Variants in UNC5D observed in about 807,000 individuals in gnomAD.
UNC5D encodes unc-5 netrin receptor D, also known as netrin receptor UNC5D.
In UNC5D, 39 loss-of-function variants were observed where a neutral mutation model predicts 105.4. The ratio of observed to expected loss-of-function variants is 0.37; its 90% CI spans 0.29 to 0.48. The LOEUF is 0.48. Ranked by LOEUF, UNC5D falls within the 20% of genes least tolerant of loss-of-function variation. The probability of loss-of-function intolerance (pLI) is 0.98; values close to 1 mark genes in which losing one functional copy is unlikely to be tolerated. For synonymous variants in UNC5D, 452 were observed against 450.4 expected, an observed-to-expected ratio of 1.00 and a Z score of -0.04; for missense variants, 991 against 1,202.4, an observed-to-expected ratio of 0.82 and a Z score of 2.60.
In UNC5D at chr8:35,261,169, C is replaced by T. The variant is rs577771524; in HGVS notation, c.103+25282C>T. On this transcript the variant is annotated intron_variant, in intron 1 of 16. Transcript: ENST00000404895. ...TTTAGTGCTGCTTCAGATGGACTTGCGCATCAAAGGGCCGCTTAAAATTCA... is the reference window on the plus strand; with the variant it reads ...TTTAGTGCTGCTTCAGATGGACTTGTGCATCAAAGGGCCGCTTAAAATTCA... Among the ~76,000 whole-genome samples, 11 of 152,198 alleles carry T rather than the reference C, an allele frequency of 7.2e-5. No individual in the cohort carries two copies. In the East Asian group the frequency reaches 7.7e-4, roughly 11 times the overall value.
intron 1 of UNC5D, among the ~76,000 whole-genome samples, chr8:35,396,884 C>A (rs1289859636): frequency 6.6e-6 from 1 of 151,318 alleles, no homozygotes; most frequent in African/African-American, 2.4e-5. Flanking sequence ...CTTCTGAGCC[C>A]AAGGGTTTTT....
At chr8:35,735,582 T>C (rs182552826) in intron 11 of UNC5D, among the ~76,000 whole-genome samples, 2 of 152,152 alleles carry the variant, frequency 1.3e-5, no homozygotes, top group African/African-American at 4.8e-5. Context: ...ACATTATCTT[T>C]TTTAGGGTGC....
intron 1 of UNC5D, among the ~76,000 whole-genome samples, chr8:35,294,513 A>G (rs1345078800): frequency 1.3e-5 from 2 of 152,136 alleles, no homozygotes; most frequent in Non-Finnish European, 2.9e-5. Context: ...AAAGTATCAT[A>G]TAATGAATTT....
intron 14 of UNC5D, among the ~76,000 whole-genome samples, chr8:35,765,788 G>T (rs1346167905): frequency 9.9e-5 from 15 of 152,172 alleles, no homozygotes. Context: ...ATAGTTCAGG[G>T]TTCCAAACTT....
chr8:35,470,621 A>T (rs1386741967), intron 1 of UNC5D, among the ~76,000 whole-genome samples: 2 of 114,404 alleles, frequency 1.7e-5, no homozygotes, highest in African/African-American at 6.2e-5. Flanking sequence ...AAAAAAAAAA[A>T]TTACCTAGGC....
chr8:35,554,181 A>G (rs941921825), intron 2 of UNC5D, among the ~76,000 whole-genome samples: 1 of 152,190 alleles, frequency 6.6e-6, no homozygotes, highest in African/African-American at 2.4e-5. Context: ...AAAGGCTGCA[A>G]ACTGCCTTTG....
intron 16 of UNC5D, among the ~76,000 whole-genome samples, chr8:35,789,190 A>ATATAT (rs1802911679): frequency 1.4e-5 from 1 of 71,604 alleles, no homozygotes; most frequent in South Asian, 5.1e-4. Flanking sequence ...TATATATATG[A>ATATAT]GATAGGGATA....
chr8:35,284,581 G>A (rs1296159864), intron 1 of UNC5D, among the ~76,000 whole-genome samples: 1 of 152,040 alleles, frequency 6.6e-6, no homozygotes, highest in Non-Finnish European at 1.5e-5. Context: ...TTTTGACGGA[G>A]TCTCACTCTG....
rs549254050 is a variant in UNC5D, at chr8:35,710,561, G to C, written c.1117+4600G>C. ...GGCTGGTACCATAAATTTGGGGCTT[G>C]TCAGTGTCCCGATGATATTTAAAGC... is the stretch of plus-strand genomic sequence containing the variant. On this transcript the variant is annotated intron_variant, in intron 8 of 16. Coordinates refer to ENST00000404895, the MANE Select transcript of UNC5D (RefSeq NM_080872.4). 1.1e-4 allele frequency among the ~76,000 whole-genome samples: 16 copies of C among 152,256 alleles called. No homozygotes were observed. The South Asian group carries it at 3.3e-3, about 32-fold the overall frequency.
chr8:35,604,064 G>T (rs1820093580), intron 4 of UNC5D, among the ~76,000 whole-genome samples: 1 of 152,190 alleles, frequency 6.6e-6, no homozygotes, highest in African/African-American at 2.4e-5. Context: ...GTATTGTTAT[G>T]TGTGAATTTG....
intron 1 of UNC5D, among the ~76,000 whole-genome samples, chr8:35,373,142 A>G (rs1039987981): frequency 1.3e-5 from 2 of 152,128 alleles, no homozygotes; most frequent in African/African-American, 2.4e-5. Flanking sequence ...GTGGCTTCCT[A>G]TGTAAAAATA....
At chr8:35,305,599 T>TTCTTTCATTTC (rs1808315160) in intron 1 of UNC5D, among the ~76,000 whole-genome samples, 1 of 149,426 alleles carries the variant, frequency 6.7e-6, no homozygotes, top group African/African-American at 2.5e-5. Context: ...CTTTCTTTCT[T>TTCTTTCATTTC]TCTTTCTTTC....
chr8:35,402,636 C>T (rs1292680947), intron 1 of UNC5D, among the ~76,000 whole-genome samples: 1 of 152,078 alleles, frequency 6.6e-6, no homozygotes, highest in Admixed American at 6.5e-5. Flanking sequence ...GTCTGTTCAC[C>T]AACTCGGTGA....
intron 1 of UNC5D, among the ~76,000 whole-genome samples, chr8:35,507,735 A>G (rs1812431060): frequency 6.6e-6 from 1 of 152,194 alleles, no homozygotes; most frequent in African/African-American, 2.4e-5. Context: ...ATTTAATTGT[A>G]CATTTTAAAA....
At chr8:35,343,512 GT>G (rs1049657014) in intron 1 of UNC5D, among the ~76,000 whole-genome samples, 1 of 151,888 alleles carries the variant, frequency 6.6e-6, no homozygotes, top group African/African-American at 2.4e-5. Context: ...TGAGGTTTTA[GT>G]TTTTTTCTTG....
chr8:35,445,321 C>A (rs575127295), intron 1 of UNC5D, among the ~76,000 whole-genome samples: 143 of 152,142 alleles, frequency 9.4e-4, no homozygotes, highest in Non-Finnish European at 1.6e-3. Context: ...AAAATAAAAA[C>A]TATGAATAAG....
chr8:35,723,497 T>C (rs978129941), intron 9 of UNC5D, among the ~76,000 whole-genome samples: 13 of 152,134 alleles, frequency 8.5e-5, no homozygotes, highest in African/African-American at 3.1e-4. Flanking sequence ...CTCCCACCCA[T>C]GGGCTTAAGT....
At chr8:35,507,445 C>G (rs935125616) in intron 1 of UNC5D, among the ~76,000 whole-genome samples, 2 of 152,050 alleles carry the variant, frequency 1.3e-5, no homozygotes, top group African/African-American at 4.8e-5. Flanking sequence ...TTATCTTTAC[C>G]CTGTAAGTAA....
At chr8:35,469,074 T>C (rs1446307273) in intron 1 of UNC5D, among the ~76,000 whole-genome samples, 2 of 152,196 alleles carry the variant, frequency 1.3e-5, no homozygotes, top group East Asian at 3.9e-4. Context: ...CCTTCCTCAC[T>C]AACAGGACTC....
Sources: gnomAD v4.1 joint callset for allele counts (sites outside exome capture counted in the v4.1 genomes callset) on GRCh38, gnomAD v4.1.1 for gene constraint, MANE v1.5 for transcripts, NCBI Gene and HGNC (gene_info 2026-07-23, HGNC 2026-07-21) for gene names.